NTAN1: variants seen among roughly 807,000 people sequenced by gnomAD.
NTAN1 encodes the protein protein N-terminal asparagine amidohydrolase.
Under a neutral mutation model 41.9 loss-of-function variants are expected in NTAN1, and 32 were observed. The observed-to-expected ratio is 0.76, with a 90% confidence interval of 0.58 to 1.03. The LOEUF (loss-of-function observed/expected upper bound fraction) is 1.03. NTAN1 is among the 50% of genes least tolerant of loss of function. The pLI, the probability that NTAN1 is intolerant of heterozygous loss-of-function variation, is 0.00. For synonymous variants in NTAN1, 140 were observed against 139.5 expected (o/e 1.00, Z -0.03); for missense variants, 377 against 377.5 (o/e 1.00, Z 0.01).
rs373907045 is a variant in NTAN1, at chr16:15,041,077, A to G, written c.532T>C (p.Tyr178His). The G allele has an allele frequency of 8.1e-6, 13 of 1,598,640 alleles. No homozygotes were observed. The highest frequency in any genetic ancestry group is 5.4e-5 in the African/African-American group (4 of 74,656). The change falls in exon 7 of 10, where the codon TAT becomes CAT. Residue 178 changes from tyrosine to histidine, a missense_variant. Coordinates refer to ENST00000287706, the MANE Select transcript of NTAN1 (RefSeq NM_173474.4). ...GATGCACACTACTTACCAATGCCAT[A>G]TATTACTGGAAAGTGGTTTTCGTTT... ...EENENHFPVI[Y>H]GIAVNIKTAE...
chr16:15,047,474 T>C lies in NTAN1; in HGVS notation c.327A>G (p.Ile109Met), dbSNP rs1185947989. 4 of 1,613,448 alleles carry C rather than the reference T, an allele frequency of 2.5e-6. No individual in the cohort carries two copies. The highest frequency in any genetic ancestry group is 2.2e-5 in the East Asian group (1 of 44,890). ...KAEVPLIMNS[I>M]KSFSDHAQCG... ...ATTGAGCGTGGTCAGAAAAGGATTT[T>C]ATGGAGTTCATGATCAAGGGGACCT... The change falls in exon 4 of 10, where the codon ATA becomes ATG. Residue 109 changes from isoleucine (I) to methionine (M), a missense_variant. By Grantham distance (10) the Ile-to-Met change is conservative. Transcript: ENST00000287706.
At chr16:15,042,898 A>C (rs1244439612) in intron 5 of NTAN1, among the ~76,000 whole-genome samples, 1 of 133,360 alleles carries the variant, frequency 7.5e-6, no homozygotes, top group East Asian at 2.1e-4. Flanking sequence ...ATGCCCAGCT[A>C]ATTTTTTTTT....
At chr16:15,047,380 C>A in intron 4 of NTAN1, 62 bp downstream of exon 4, 1 of 1,082,172 alleles carries the variant, frequency 9.2e-7, no homozygotes, top group Non-Finnish European at 1.4e-6. Flanking sequence ...CTTCCACAGC[C>A]ACGTCCTGTA....
Sources: allele counts gnomAD v4.1 joint callset (sites outside exome capture counted in the v4.1 genomes callset), GRCh38; gene constraint gnomAD v4.1.1; transcripts MANE v1.5; gene names NCBI Gene and HGNC (gene_info 2026-07-23, HGNC 2026-07-21).